Variants in NEGR1 observed in about 807,000 individuals in gnomAD.
The protein encoded by NEGR1 is neuronal growth regulator 1, also known as IgLON family member 4.
Under a neutral mutation model 40.9 loss-of-function variants are expected in NEGR1, and 10 were observed. That is an observed-to-expected ratio of 0.24 (90% CI 0.15 to 0.42). The LOEUF (loss-of-function observed/expected upper bound fraction) is 0.42. NEGR1 is among the 10% of genes least tolerant of loss of function. The probability of loss-of-function intolerance (pLI) is 1.00; values close to 1 mark genes in which losing one functional copy is unlikely to be tolerated. For synonymous variants in NEGR1, 185 were observed against 166.8 expected (o/e 1.11, Z -0.84); for missense variants, 352 against 438.9 (o/e 0.80, Z 1.77).
intron 4 of NEGR1, among the ~76,000 whole-genome samples, chr1:71,648,176 A>G (rs532295301): frequency 2.0e-5 from 3 of 152,166 alleles, no homozygotes; most frequent in African/African-American, 7.2e-5. Context: ...CTTGGCCTAG[A>G]AACAATTTTG....
chr1:71,591,388 T>G (rs1649494705), intron 6 of NEGR1, among the ~76,000 whole-genome samples: 1 of 152,190 alleles, frequency 6.6e-6, no homozygotes, highest in Non-Finnish European at 1.5e-5. Context: ...ATGTTTCAGT[T>G]TTGAAAATCA....
chr1:72,251,728 C>T (rs1056854879), intron 1 of NEGR1, among the ~76,000 whole-genome samples: 1 of 152,044 alleles, frequency 6.6e-6, no homozygotes, highest in Admixed American at 6.5e-5. Flanking sequence ...TATTTTGGAT[C>T]CATGGTTGAA....
chr1:72,210,837 A>C (rs1653577631), intron 1 of NEGR1, among the ~76,000 whole-genome samples: 2 of 152,024 alleles, frequency 1.3e-5, no homozygotes, highest in Middle Eastern at 3.4e-3. Flanking sequence ...TAACAGAGTA[A>C]AAAACAAGGT....
In NEGR1 at chr1:71,927,163, G is replaced by T. The variant is rs2101888462; in HGVS notation, c.409+7916C>A. 1.3e-5 allele frequency among the ~76,000 whole-genome samples: 2 copies of T among 152,218 alleles called. 1 individual carries two copies. Among genetic ancestry groups the T allele is most frequent in the Admixed American group, 1.3e-4 (2 of 15,284 alleles). Reference sequence around the variant, plus strand: ...AGAAAAGTGAGATAATGAATTCCTAGAATCTGGTCTGATATATCCTGCCAT... The same window carrying T: ...AGAAAAGTGAGATAATGAATTCCTATAATCTGGTCTGATATATCCTGCCAT... On this transcript the variant is annotated intron_variant, in intron 2 of 6. Transcript: ENST00000357731.
At chr1:71,850,145 GT>G in intron 2 of NEGR1, among the ~76,000 whole-genome samples, 1 of 122,740 alleles carries the variant, frequency 8.1e-6, no homozygotes, top group Non-Finnish European at 2.0e-5. Flanking sequence ...TTTTTTGTTT[GT>G]TTGTTTGTTT....
chr1:71,629,876 A>C lies in NEGR1; in HGVS notation c.668-18730T>G, dbSNP rs189576273. Among the ~76,000 whole-genome samples the C allele has an allele frequency of 2.7e-3, 413 of 152,102 alleles. 3 individuals are homozygous for C. The highest frequency in any genetic ancestry group is 2.3e-3 in the Non-Finnish European group (154 of 67,926). ...TGGATGGTCTTGCAATGCTCATGTC[A>C]TACATAACTGATAAGTGATAAATAC... On this transcript the variant is annotated intron_variant, in intron 4 of 6. Transcript: ENST00000357731.
chr1:71,833,134 CT>C (rs942961499), intron 2 of NEGR1, among the ~76,000 whole-genome samples: 6 of 151,798 alleles, frequency 4.0e-5, no homozygotes, highest in East Asian at 1.9e-4. Flanking sequence ...ATATAGGCTA[CT>C]TTTTTTTGAG....
intron 1 of NEGR1, among the ~76,000 whole-genome samples, chr1:71,974,749 T>C (rs1646287033): frequency 6.6e-6 from 1 of 152,172 alleles, no homozygotes; most frequent in Non-Finnish European, 1.5e-5. Flanking sequence ...TTACTCAGTA[T>C]CAGAGATTAG....
chr1:71,750,744 C>T (rs1303184156), intron 3 of NEGR1, among the ~76,000 whole-genome samples: 1 of 152,160 alleles, frequency 6.6e-6, no homozygotes, highest in South Asian at 2.1e-4. Context: ...GGTGGGGACA[C>T]AGCCAAACCA....
intron 6 of NEGR1, among the ~76,000 whole-genome samples, chr1:71,413,552 A>T (rs1430233103): frequency 6.6e-6 from 1 of 152,200 alleles, no homozygotes; most frequent in Non-Finnish European, 1.5e-5. Context: ...ATAATTGGCC[A>T]GTCTCCTCTG....
chr1:71,778,520 G>T (rs1656589135), intron 2 of NEGR1, among the ~76,000 whole-genome samples: 1 of 152,070 alleles, frequency 6.6e-6, no homozygotes, highest in Non-Finnish European at 1.5e-5. Flanking sequence ...GGTTTATTTG[G>T]ATGTAACCTT....
chr1:72,208,503 T>A (rs1277363943), intron 1 of NEGR1, among the ~76,000 whole-genome samples: 1 of 151,614 alleles, frequency 6.6e-6, no homozygotes, highest in Non-Finnish European at 1.5e-5. Flanking sequence ...ATTTTTTTTT[T>A]ATGTAGAAGA....
At chr1:71,527,511 T>C (rs1213441) in intron 6 of NEGR1, among the ~76,000 whole-genome samples, 151,005 of 151,558 alleles carry the variant, frequency 1, 75,226 homozygotes, top group Middle Eastern at 1. Flanking sequence ...GTTTAGTAAA[T>C]AAATAGATAA....
chr1:72,040,992 A>G (rs995088383), intron 1 of NEGR1, among the ~76,000 whole-genome samples: 1 of 151,986 alleles, frequency 6.6e-6, no homozygotes, highest in Non-Finnish European at 1.5e-5. Flanking sequence ...AGGTTCATCC[A>G]TATGTCATTG....
chr1:71,941,741 A>G (rs913381572), intron 1 of NEGR1, among the ~76,000 whole-genome samples: 1 of 151,162 alleles, frequency 6.6e-6, no homozygotes, highest in Non-Finnish European at 1.5e-5. Context: ...AGTATACAAT[A>G]GTAATATGTT....
chr1:71,543,557 A>C (rs1459247985), intron 6 of NEGR1, among the ~76,000 whole-genome samples: 5 of 151,762 alleles, frequency 3.3e-5, no homozygotes, highest in Non-Finnish European at 4.4e-5. Flanking sequence ...ACAGAAAGAA[A>C]ACATAATGTG....
Position 72,126,088 on chromosome 1 carries a change from AGTATGTGTGT to A in NEGR1, c.176+156221_176+156230del, listed in dbSNP as rs869309878. Among the ~76,000 whole-genome samples the A allele has an allele frequency of 5.8e-3, 754 of 129,414 alleles. 3 individuals carry two copies. The highest frequency in any genetic ancestry group is 9.7e-3 in the Non-Finnish European group (596 of 61,726). The allele number at this position is 129,414 out of a possible 152,430, so 84.9% of individuals were successfully genotyped here. The stretch of plus-strand genomic sequence containing the variant: ...ATTCCCTTATGAGTCATTAGAGAAA[AGTATGTGTGT>A]GTGTGTGTGTGTGTGTGTGTGTGTG... On this transcript the variant is annotated intron_variant, in intron 1 of 6. Transcript: ENST00000357731.
intron 3 of NEGR1, among the ~76,000 whole-genome samples, chr1:71,767,253 T>C (rs1656165305): frequency 6.6e-6 from 1 of 152,144 alleles, no homozygotes; most frequent in South Asian, 2.1e-4. Context: ...CTTGAATGGT[T>C]GTGCTGATAG....
chr1:72,008,588 A>G (rs947512572), intron 1 of NEGR1, among the ~76,000 whole-genome samples: 31 of 152,250 alleles, frequency 2.0e-4, no homozygotes, highest in South Asian at 2.1e-4. Context: ...GACACACTTA[A>G]TTGTTCATAC....
Sources: allele counts gnomAD v4.1 joint callset (sites outside exome capture counted in the v4.1 genomes callset), GRCh38; gene constraint gnomAD v4.1.1; transcripts MANE v1.5; gene names NCBI Gene and HGNC (gene_info 2026-07-23, HGNC 2026-07-21).